Variants in GTF2F2 observed in about 807,000 individuals in gnomAD.
GTF2F2 encodes the protein ATP-dependent helicase GTF2F2.
GTF2F2 carries 23 observed loss-of-function variants against 42.2 expected under a neutral mutation model. That is an observed-to-expected ratio of 0.55 (90% CI 0.39 to 0.77). GTF2F2 has a LOEUF of 0.77. Ranked by LOEUF, GTF2F2 falls within the 30% of genes least tolerant of loss-of-function variation. The pLI, the probability that GTF2F2 is intolerant of heterozygous loss-of-function variation, is 0.00. For synonymous variants in GTF2F2, 105 were observed against 100.8 expected (o/e 1.04, Z -0.25); for missense variants, 261 against 287.2 (o/e 0.91, Z 0.66).
chr13:45,211,156 G>A (rs1873614538), intron 5 of GTF2F2, among the ~76,000 whole-genome samples: 1 of 152,156 alleles, frequency 6.6e-6, no homozygotes, highest in Non-Finnish European at 1.5e-5. Context: ...TTACACTGAT[G>A]AGAGGAGAGG....
At chr13:45,138,871 C>G (rs568079417) in intron 2 of GTF2F2, among the ~76,000 whole-genome samples, 13 of 152,176 alleles carry the variant, frequency 8.5e-5, no homozygotes, top group South Asian at 6.2e-4. Context: ...GTCTTGAACT[C>G]CTGACCTCAA....
At chr13:45,135,524 C>G (rs1566110360) in intron 1 of GTF2F2, among the ~76,000 whole-genome samples, 1 of 152,186 alleles carries the variant, frequency 6.6e-6, no homozygotes, top group Admixed American at 6.5e-5. Flanking sequence ...TTCCAAAGTG[C>G]TGGGATTACA....
At chr13:45,121,363 T>C (rs1188019604) in intron 1 of GTF2F2, among the ~76,000 whole-genome samples, 1 of 152,242 alleles carries the variant, frequency 6.6e-6, no homozygotes, top group African/African-American at 2.4e-5. Flanking sequence ...TTGTTTCATA[T>C]TGGGGAGTGT....
chr13:45,157,929 T>C (rs550366787), intron 4 of GTF2F2, among the ~76,000 whole-genome samples: 2 of 152,256 alleles, frequency 1.3e-5, no homozygotes, highest in African/African-American at 4.8e-5. Context: ...GAAAATCAAA[T>C]TTCATTTATC....
intron 4 of GTF2F2, among the ~76,000 whole-genome samples, chr13:45,181,192 A>C (rs1471963975): frequency 1.1e-4 from 16 of 145,716 alleles, no homozygotes; most frequent in East Asian, 1.9e-4. Context: ...AAACAAACAA[A>C]AAAAAAAAAA....
chr13:45,180,552 C>A (rs1647243719), intron 4 of GTF2F2, among the ~76,000 whole-genome samples: 1 of 152,048 alleles, frequency 6.6e-6, no homozygotes, highest in Non-Finnish European at 1.5e-5. Flanking sequence ...TAATTTGGTC[C>A]ATACTGCTTG....
At chr13:45,138,749 G>T (rs1869764753) in intron 2 of GTF2F2, among the ~76,000 whole-genome samples, 1 of 152,160 alleles carries the variant, frequency 6.6e-6, no homozygotes, top group African/African-American at 2.4e-5. Context: ...GGGTTCAAGC[G>T]ATTCTCCTGC....
intron 5 of GTF2F2, among the ~76,000 whole-genome samples, chr13:45,223,114 C>G (rs1191725756): frequency 3.3e-5 from 5 of 151,842 alleles, no homozygotes; most frequent in African/African-American, 9.7e-5. Flanking sequence ...CCAGCTACGC[C>G]TGTAGTCTCA....
At chr13:45,210,452 C>T (rs1395938715) in intron 5 of GTF2F2, among the ~76,000 whole-genome samples, 1 of 152,170 alleles carries the variant, frequency 6.6e-6, no homozygotes, top group Admixed American at 6.5e-5. Flanking sequence ...TTCATGAGGC[C>T]TACCTTGACT....
intron 6 of GTF2F2, among the ~76,000 whole-genome samples, chr13:45,258,555 T>C (rs1015939038): frequency 6.6e-6 from 1 of 152,224 alleles, no homozygotes; most frequent in African/African-American, 2.4e-5. Flanking sequence ...CCTTGACCTT[T>C]GTGAGTGTTG....
At chr13:45,175,162 T>A (rs1441396321) in intron 4 of GTF2F2, among the ~76,000 whole-genome samples, 1 of 152,242 alleles carries the variant, frequency 6.6e-6, no homozygotes, top group Non-Finnish European at 1.5e-5. Flanking sequence ...ATCAACTGTT[T>A]TAGCTTTCAT....
At chr13:45,123,760 G>A (rs2138083551) in intron 1 of GTF2F2, among the ~76,000 whole-genome samples, 1 of 151,556 alleles carries the variant, frequency 6.6e-6, no homozygotes, top group African/African-American at 2.4e-5. Flanking sequence ...TACTGTTCTG[G>A]CCTAATGAAG....
chr13:45,274,390 A>C (rs1274919875), intron 7 of GTF2F2, among the ~76,000 whole-genome samples: 1 of 136,324 alleles, frequency 7.3e-6, no homozygotes, highest in Non-Finnish European at 1.5e-5. Flanking sequence ...GCAGTGACGC[A>C]GTCTTGGCTC....
At chr13:45,265,394 C>G (rs1392764500) in intron 6 of GTF2F2, among the ~76,000 whole-genome samples, 3 of 152,048 alleles carry the variant, frequency 2.0e-5, no homozygotes, top group African/African-American at 7.2e-5. Flanking sequence ...ATTTAAAATG[C>G]TCAAGGCCCT....
intron 5 of GTF2F2, among the ~76,000 whole-genome samples, chr13:45,218,037 G>A (rs1264080376): frequency 2.0e-5 from 3 of 152,230 alleles, no homozygotes; most frequent in African/African-American, 7.2e-5. Flanking sequence ...AGTAATTTGA[G>A]TAGGCAGATT....
In GTF2F2 at chr13:45,204,217, A is replaced by G. The variant is rs560490842; in HGVS notation, c.305-3207A>G. Reference sequence around the variant, plus strand: ...TATAACGTGATGTTTTGATATATGTATATGTGTGGAATGGCTAAATCAAGC... The same window carrying G: ...TATAACGTGATGTTTTGATATATGTGTATGTGTGGAATGGCTAAATCAAGC... On this transcript the variant is annotated intron_variant, in intron 4 of 7. Coordinates refer to ENST00000340473, the MANE Select transcript of GTF2F2 (RefSeq NM_004128.3). Among the ~76,000 whole-genome samples, 145 of 152,214 alleles carry G rather than the reference A, an allele frequency of 9.5e-4. 2 individuals carry two copies. The Middle Eastern group carries it at 0.024, about 25-fold the overall frequency.
At chr13:45,281,534 C>CA (rs1220148555) in intron 7 of GTF2F2, among the ~76,000 whole-genome samples, 5 of 152,184 alleles carry the variant, frequency 3.3e-5, no homozygotes, top group Non-Finnish European at 7.3e-5. Context: ...AACCTTAAGC[C>CA]AGATGTGGTG....
At chr13:45,148,828 A>G (rs1870335788) in intron 2 of GTF2F2, among the ~76,000 whole-genome samples, 1 of 152,194 alleles carries the variant, frequency 6.6e-6, no homozygotes, top group South Asian at 2.1e-4. Context: ...ACGTAATTCA[A>G]ATACAGTATA....
At chr13:45,187,829 C>T (rs949946046) in intron 4 of GTF2F2, among the ~76,000 whole-genome samples, 1 of 152,162 alleles carries the variant, frequency 6.6e-6, no homozygotes, top group African/African-American at 2.4e-5. Flanking sequence ...GACTAACATG[C>T]ATTGCTGTTT....
Sources: gnomAD v4.1 joint callset for allele counts (sites outside exome capture counted in the v4.1 genomes callset) on GRCh38, gnomAD v4.1.1 for gene constraint, MANE v1.5 for transcripts, NCBI Gene and HGNC (gene_info 2026-07-23, HGNC 2026-07-21) for gene names.